The following GCSAML variants were observed in gnomAD, a reference collection of about 807,000 sequenced individuals.
GCSAML encodes germinal center-associated signaling and motility-like protein.
GCSAML carries 9 observed loss-of-function variants against 13.0 expected under a neutral mutation model. The observed-to-expected ratio is 0.69, with a 90% CI of 0.42 to 1.21. GCSAML has a LOEUF of 1.21. Ranked by LOEUF, GCSAML falls within the 50% of genes most tolerant of loss-of-function variation. The pLI, the probability that GCSAML is intolerant of heterozygous loss-of-function variation, is 0.00. For synonymous variants in GCSAML, 37 were observed against 52.9 expected (o/e 0.70, Z 1.31); for missense variants, 143 against 153.4 (o/e 0.93, Z 0.36).
intron 2 of GCSAML, chr1:247,530,509 C>T (rs962209069): frequency 9.1e-6 from 1 of 109,728 alleles, no homozygotes; most frequent in Non-Finnish European, 2.0e-5. Flanking sequence ...TCCACAAACA[C>T]CATGCCATCC....
At position 247,521,949 on chromosome 1, in the gene GCSAML, G is replaced by A. The variant is rs566776550; in HGVS notation, c.-262-4991G>A. 2.3e-4 allele frequency among the ~76,000 whole-genome samples: 35 copies of A among 152,020 alleles called. 1 individual carries two copies. Among genetic ancestry groups the A allele is most frequent in the Admixed American group, 1.5e-3 (23 of 15,290 alleles). On this transcript the variant is annotated intron_variant, in intron 1 of 5. Coordinates refer to the GCSAML transcript ENST00000366489. ...TAGGAAGTGAGGAGCGTCTCTGCCC[G>A]GCTGCCCATCGTCTGAGATGTGGGG...
At position 247,575,655 on chromosome 1, in the gene GCSAML, T is replaced by A. The variant is rs1668808568; in HGVS notation, c.*1273T>A. The A allele has an allele frequency of 2.6e-5, 4 of 152,220 alleles. No homozygotes were observed. The highest frequency in any genetic ancestry group is 9.6e-5 in the African/African-American group (4 of 41,456). 9.4% of individuals were successfully genotyped at this position (152,220 alleles called of 1,614,324 possible). A position where few individuals can be genotyped will look rare whatever the true frequency, so the allele number is the denominator to read the frequency against. The stretch of plus-strand genomic sequence containing the variant: ...AAAGATGAAATGAAGCATATATAAT[T>A]GTCAATTTTTTCAATTTTCTAGCCA... On this transcript the variant is annotated 3_prime_UTR_variant, in exon 5 of 5. Coordinates refer to ENST00000366488, the MANE Select transcript of GCSAML (RefSeq NM_145278.5).
At chr1:247,515,664 C>A (rs1417710816) in intron 1 of GCSAML, among the ~76,000 whole-genome samples, 5 of 152,180 alleles carry the variant, frequency 3.3e-5, no homozygotes, top group Non-Finnish European at 5.9e-5. Flanking sequence ...GAAGGGGAAG[C>A]AAGCTCCTCT....
intron 4 of GCSAML, among the ~76,000 whole-genome samples, chr1:247,568,720 A>C (rs1314769075): frequency 6.6e-6 from 1 of 152,198 alleles, no homozygotes; most frequent in African/African-American, 2.4e-5. Flanking sequence ...GAAGAAAGAC[A>C]ATGGTAGCTT....
chr1:247,556,600 C>G (rs1295736800), intron 2 of GCSAML, 134 bp downstream of exon 2: 1 of 598,288 alleles, frequency 1.7e-6, no homozygotes, highest in Non-Finnish European at 2.9e-6. Flanking sequence ...TGGTGATTAC[C>G]TGCATGACTT....
chr1:247,522,561 C>T (rs1186142520), intron 1 of GCSAML, among the ~76,000 whole-genome samples: 1 of 152,104 alleles, frequency 6.6e-6, no homozygotes, highest in African/African-American at 2.4e-5. Context: ...CCATTTTGTT[C>T]TGTACTAAGA....
intron 1 of GCSAML, among the ~76,000 whole-genome samples, chr1:247,509,130 A>G (rs1418291077): frequency 2.0e-5 from 3 of 152,150 alleles, no homozygotes; most frequent in African/African-American, 7.2e-5. Context: ...AATTCTTCCT[A>G]TCCATGAGCA....
chr1:247,560,542 C>T (rs1187807750), intron 2 of GCSAML, among the ~76,000 whole-genome samples: 1 of 152,082 alleles, frequency 6.6e-6, no homozygotes, highest in African/African-American at 2.4e-5. Context: ...GTTCCCTACC[C>T]CCACCCCCAA....
In GCSAML at chr1:247,526,351, C is replaced by G. The variant is rs1171020062; in HGVS notation, c.-262-589C>G. 1 of 152,220 alleles carries G rather than the reference C, an allele frequency of 6.6e-6. No homozygotes were observed. The highest frequency in any genetic ancestry group is 1.5e-5 in the Non-Finnish European group (1 of 68,088). The allele number at this position is 152,220 out of a possible 1,614,324, so 9.4% of individuals were successfully genotyped here. A position where few individuals can be genotyped will look rare whatever the true frequency, so the allele number is the denominator to read the frequency against. On this transcript the variant is annotated intron_variant, in intron 1 of 5. Transcript: ENST00000366489. The surrounding 1 kb of genome is among the most constrained non-coding windows in gnomAD (Gnocchi z 4.8). ...GTTCTGACAGAAGCTGGAAGATAAA[C>G]TGGTGTGTGAGAAATTACCTTAGTC...
At chr1:247,532,084 A>T in intron 2 of GCSAML, 1 of 1,614,120 alleles carries the variant, frequency 6.2e-7, no homozygotes, top group Non-Finnish European at 8.5e-7. Context: ...AGCTAGCCCA[A>T]GGCAAAGCTG....
chr1:247,518,474 A>G (rs533603300), intron 1 of GCSAML: 1,613 of 152,556 alleles, frequency 0.011, 30 homozygotes, highest in Middle Eastern at 0.02. Context: ...CGCCGTCTGC[A>G]CTAGCGCCGC....
chr1:247,556,666 G>A (rs541823497), intron 2 of GCSAML, among the ~76,000 whole-genome samples, 200 bp downstream of exon 2: 1 of 152,238 alleles, frequency 6.6e-6, no homozygotes, highest in Non-Finnish European at 1.5e-5. Context: ...TATTAGCCAC[G>A]TGTTTTGTTT....
chr1:247,534,800 A>T (rs939202545), intron 2 of GCSAML, among the ~76,000 whole-genome samples: 1 of 152,228 alleles, frequency 6.6e-6, no homozygotes. Context: ...ATGTGCATTC[A>T]GTTTTAAAAA....
chr1:247,560,762 T>C (rs1489923463), intron 2 of GCSAML, among the ~76,000 whole-genome samples: 6 of 152,146 alleles, frequency 3.9e-5, no homozygotes, highest in Admixed American at 3.9e-4. Context: ...TTTTTGTGTG[T>C]GATGAGAATG....
rs143406461 is a variant in GCSAML, at chr1:247,576,473, A to T, written c.*2091A>T. ...GGTAGTAGGATTGTTTGAGACTGGG[A>T]GGTTGAGGCTGAACTGAGCCAGGAT... On this transcript the variant is annotated 3_prime_UTR_variant, in exon 5 of 5. Coordinates refer to ENST00000366488, the MANE Select transcript of GCSAML (RefSeq NM_145278.5). The T allele has an allele frequency of 6.6e-6, 1 of 152,014 alleles. No individual in the cohort carries two copies. Among genetic ancestry groups the T allele is most frequent in the Admixed American group, 6.6e-5 (1 of 15,236 alleles). 9.4% of individuals were successfully genotyped at this position (152,014 alleles called of 1,614,324 possible).
chr1:247,519,394 C>T (rs1429231959), intron 1 of GCSAML: 1 of 152,148 alleles, frequency 6.6e-6, no homozygotes, highest in Non-Finnish European at 1.5e-5. Context: ...CAGAAACGCA[C>T]GTGTGTGTCT....
chr1:247,546,654 C>T (rs978785599), upstream of GCSAML, among the ~76,000 whole-genome samples: 6 of 152,114 alleles, frequency 3.9e-5, no homozygotes, highest in African/African-American at 1.4e-4. Context: ...AGCCACCGCG[C>T]CCGGCTGAAA....
At chr1:247,529,391 G>C (rs1558239860) in intron 2 of GCSAML, 1 of 152,176 alleles carries the variant, frequency 6.6e-6, no homozygotes, top group Non-Finnish European at 1.5e-5. Flanking sequence ...ACTGAATGAT[G>C]GAATGGGCTT....
In GCSAML at chr1:247,576,042, G is replaced by A. The variant is rs1026863848; in HGVS notation, c.*1660G>A. ...GATTTCAGATTTATTTTTGGATTTT[G>A]GAATATTTCCATACATATAATGAGA... On this transcript the variant is annotated 3_prime_UTR_variant, in exon 5 of 5. Transcript: ENST00000366488. 2 of 152,034 alleles carry A rather than the reference G, an allele frequency of 1.3e-5. No individual in the cohort carries two copies. The highest frequency in any genetic ancestry group is 4.8e-5 in the African/African-American group (2 of 41,378). The allele number at this position is 152,034 out of a possible 1,614,324, so 9.4% of individuals were successfully genotyped here.
Sources: gnomAD v4.1 joint callset for allele counts (sites outside exome capture counted in the v4.1 genomes callset) on GRCh38, gnomAD v4.1.1 for gene constraint, Gnocchi (gnomAD v3.1) non-coding constraint, MANE v1.5 for transcripts, NCBI Gene and HGNC (gene_info 2026-07-23, HGNC 2026-07-21) for gene names.